The following ZC3H13 variants were observed in gnomAD, a reference collection of about 807,000 sequenced individuals.
ZC3H13 encodes zinc finger CCCH domain-containing protein 13.
Under a neutral mutation model 204.1 loss-of-function variants are expected in ZC3H13, and 64 were observed. The ratio of observed to expected loss-of-function variants is 0.31; its 90% CI spans 0.26 to 0.39. The LOEUF (loss-of-function observed/expected upper bound fraction) is 0.39. ZC3H13 is among the 10% of genes least tolerant of loss of function. ZC3H13 has a pLI of 1.00. For missense variants in ZC3H13, 1,833 were observed against 2,082.7 expected, an observed-to-expected ratio of 0.88 and a Z score of 2.33; for synonymous variants, 667 against 693.7, an observed-to-expected ratio of 0.96 and a Z score of 0.60.
chr13:45,979,798 T>C lies in ZC3H13; in HGVS notation c.1912+15A>G, dbSNP rs1456197398. Reference sequence around the variant, plus strand: ...TGATATTGTTCACTATTTAATAAAATTCTGTTTGACAAACCTCTCTCTCTG... The same window carrying C: ...TGATATTGTTCACTATTTAATAAAACTCTGTTTGACAAACCTCTCTCTCTG... On this transcript the variant is annotated intron_variant, in intron 11 of 18. Transcript: ENST00000679008. 1.3e-6 allele frequency: 2 copies of C among 1,545,818 alleles called. No individual in the cohort carries two copies. Among genetic ancestry groups the C allele is most frequent in the Non-Finnish European group, 8.7e-7 (1 of 1,152,210 alleles).
chr13:45,961,212 A>C (rs1205086551), intron 17 of ZC3H13, among the ~76,000 whole-genome samples: 1 of 152,152 alleles, frequency 6.6e-6, no homozygotes, highest in Non-Finnish European at 1.5e-5. Context: ...TAAAAACAAA[A>C]ACAAAAACAT....
intron 4 of ZC3H13, among the ~76,000 whole-genome samples, chr13:46,031,421 TGAAA>T (rs1423326014): frequency 1.3e-5 from 2 of 151,724 alleles, no homozygotes; most frequent in Non-Finnish European, 2.9e-5. Flanking sequence ...CTATAATCCA[TGAAA>T]GAAATAACTG....
intron 4 of ZC3H13, among the ~76,000 whole-genome samples, chr13:46,030,769 A>C (rs977621480): frequency 6.6e-6 from 1 of 152,238 alleles, no homozygotes; most frequent in African/African-American, 2.4e-5. Flanking sequence ...GACATGCATG[A>C]GGAAAATTAC....
At position 45,975,454 on chromosome 13, in the gene ZC3H13, C is replaced by A; in HGVS notation, c.2297G>T (p.Arg766Ile). ...RERERERERE[R>I]ERERERERER... is the part of the protein sequence containing the mutation. ...TCGTTCCCGTTCTCGCTCTCGCTCT[C>A]TCTCCCGTTCTCGCTCTCTCTCCCT... Residue 766 changes from arginine to isoleucine, a missense_variant, in exon 12 of 19, where the codon AGA becomes ATA. This residue lies in a region of ZC3H13 where 1,574 missense variants were observed against 1,757.2 expected (regional missense o/e 0.90). Transcript: ENST00000679008. 6.2e-7 allele frequency: 1 copy of A among 1,613,574 alleles called. No individual in the cohort carries two copies. Among genetic ancestry groups the A allele is most frequent in the Non-Finnish European group, 8.5e-7 (1 of 1,179,778 alleles).
At position 45,983,401 on chromosome 13, in the gene ZC3H13, T is replaced by TTATATATATATATATA. The variant is rs1555277662; in HGVS notation, c.1720+1895_1720+1896insTATATATATATATATA. Among the ~76,000 whole-genome samples, 14 of 35,490 alleles carry TTATATATATATATATA rather than the reference T, an allele frequency of 3.9e-4. No homozygotes were observed. In the East Asian group the frequency reaches 5.7e-3, roughly 14 times the overall value. The allele number at this position is 35,490 out of a possible 152,430, so 23.3% of individuals were successfully genotyped here. On this transcript the variant is annotated intron_variant, in intron 10 of 18. Transcript: ENST00000679008. The stretch of plus-strand genomic sequence containing the variant: ...TGAAACAAAGCAAAGCCCCTTCTAC[T>TTATATATATATATATA]TATATATATATATTTTTTTTTTTTT...
chr13:46,037,189 T>C (rs1241706601), intron 4 of ZC3H13, among the ~76,000 whole-genome samples: 3 of 152,136 alleles, frequency 2.0e-5, no homozygotes, highest in African/African-American at 4.8e-5. Context: ...ATTGTTAAAA[T>C]AGTAAATTTT....
intron 8 of ZC3H13, among the ~76,000 whole-genome samples, chr13:45,992,694 G>T (rs1247104785): frequency 6.6e-6 from 1 of 152,178 alleles, no homozygotes; most frequent in Non-Finnish European, 1.5e-5. Context: ...GTCTGTGAGG[G>T]CTTCCTAAAA....
Position 45,970,446 on chromosome 13 carries a change from C to T in ZC3H13, c.2488G>A (p.Gly830Arg), listed in dbSNP as rs1952493706. Residue 830 changes from glycine (G) to arginine (R), a missense_variant, in exon 13 of 19, where the codon GGG (glycine) becomes AGG (arginine). Gly to Arg is a moderately radical substitution (Grantham distance 125, BLOSUM62 -2). Around this residue, in one of 5 missense-constraint regions of ZC3H13, gnomAD observed 1,574 missense variants for 1,757.2 expected, o/e 0.90. Coordinates refer to ENST00000679008, the MANE Select transcript of ZC3H13 (RefSeq NM_001330564.2). The part of the protein sequence containing the change: ...RKSKKRYRNE[G>R]SPSPRQSPKR... ...GGGGACTGTCTAGGGCTGGGACTCCCTTCATTTCTATAGCGCTTCCTAAAT... is the reference window on the plus strand; with the variant it reads ...GGGGACTGTCTAGGGCTGGGACTCCTTTCATTTCTATAGCGCTTCCTAAAT... 1.2e-6 allele frequency: 2 copies of T among 1,612,208 alleles called. No homozygotes were observed. The highest frequency in any genetic ancestry group is 1.1e-5 in the South Asian group (1 of 90,922).
intron 4 of ZC3H13, among the ~76,000 whole-genome samples, chr13:46,028,946 T>C (rs2042707455): frequency 6.6e-6 from 1 of 151,778 alleles, no homozygotes; most frequent in African/African-American, 2.4e-5. Context: ...AACTTAAGAA[T>C]TAGAATGAAA....
chr13:45,989,374 C>T (rs183034192), intron 8 of ZC3H13, among the ~76,000 whole-genome samples: 39 of 152,308 alleles, frequency 2.6e-4, no homozygotes, highest in Admixed American at 4.6e-4. Context: ...CATACACCAT[C>T]TACCCTAACT....
intron 10 of ZC3H13, among the ~76,000 whole-genome samples, chr13:45,983,145 C>T (rs1393115275): frequency 3.3e-5 from 5 of 151,772 alleles, no homozygotes. Context: ...TCAACCATTA[C>T]AAATGCAACT....
At chr13:45,986,267 A>G (rs112784038) in intron 9 of ZC3H13, among the ~76,000 whole-genome samples, 1 of 152,186 alleles carries the variant, frequency 6.6e-6, no homozygotes, top group Admixed American at 6.5e-5. Context: ...TATAACATTC[A>G]TGTGTGCAAG....
intron 1 of ZC3H13, among the ~76,000 whole-genome samples, chr13:46,046,034 T>C (rs887649052): frequency 4.6e-5 from 7 of 152,116 alleles, no homozygotes; most frequent in Admixed American, 3.9e-4. Context: ...AAAAATCAGG[T>C]TGAGAAAAAT....
chr13:46,039,957 T>G (rs1238153763), intron 4 of ZC3H13, among the ~76,000 whole-genome samples: 1 of 152,100 alleles, frequency 6.6e-6, no homozygotes, highest in Admixed American at 6.6e-5. Context: ...AGCGGTACAT[T>G]TACTGGCAGA....
At chr13:46,029,427 C>CTTT (rs964729202) in intron 4 of ZC3H13, among the ~76,000 whole-genome samples, 20 of 138,822 alleles carry the variant, frequency 1.4e-4, no homozygotes, top group South Asian at 2.3e-4. Context: ...TGGACTACTT[C>CTTT]TTTTTTTTTT....
At chr13:46,021,714 C>T (rs2148412) in intron 4 of ZC3H13, among the ~76,000 whole-genome samples, 111,209 of 151,630 alleles carry the variant, frequency 0.73, 41,202 homozygotes, top group African/African-American at 0.83. Context: ...ATAAAACCTG[C>T]CATGAAAAAA....
At chr13:46,043,546 C>T (rs2043734180) in intron 3 of ZC3H13, among the ~76,000 whole-genome samples, 1 of 151,910 alleles carries the variant, frequency 6.6e-6, no homozygotes, top group Non-Finnish European at 1.5e-5. Context: ...GTTTTACACA[C>T]AGCGAATTCT....
intron 4 of ZC3H13, among the ~76,000 whole-genome samples, chr13:46,031,915 A>C (rs949904473): frequency 1.3e-5 from 2 of 152,142 alleles, no homozygotes; most frequent in Admixed American, 1.3e-4. Context: ...CATTAATTAT[A>C]CTCCTATTTA....
At chr13:45,996,647 A>G (rs1016874854) in intron 8 of ZC3H13, among the ~76,000 whole-genome samples, 6 of 151,972 alleles carry the variant, frequency 3.9e-5, no homozygotes, top group African/African-American at 1.4e-4. Context: ...ATTGACTTGC[A>G]GTTTGGCAAT....
Sources: allele counts gnomAD v4.1 joint callset (sites outside exome capture counted in the v4.1 genomes callset), GRCh38; gene constraint gnomAD v4.1.1; regional missense constraint gnomAD v4.1.1; transcripts MANE v1.5; gene names NCBI Gene and HGNC (gene_info 2026-07-23, HGNC 2026-07-21).